The following ITGA11 variants were observed in gnomAD, a reference collection of about 807,000 sequenced individuals.
ITGA11 encodes the protein integrin subunit alpha 11.
Under a neutral mutation model 141.9 loss-of-function variants are expected in ITGA11, and 97 were observed. The observed-to-expected ratio is 0.68, with a 90% confidence interval of 0.58 to 0.81. The LOEUF is 0.81. ITGA11 is among the 30% of genes least tolerant of loss of function. The pLI is 0.00. For missense variants in ITGA11, 1,387 were observed against 1,559.2 expected, an observed-to-expected ratio of 0.89 and a Z score of 1.86; for synonymous variants, 658 against 624.6, an observed-to-expected ratio of 1.05 and a Z score of -0.80.
chr15:68,401,944 G>A (rs928256383), intron 2 of ITGA11, among the ~76,000 whole-genome samples: 2 of 152,044 alleles, frequency 1.3e-5, no homozygotes, highest in African/African-American at 4.8e-5. Context: ...AGTCAGGAGA[G>A]GGTGTCACAG....
rs1290417702 is a variant in ITGA11 at position 68,305,559 on chromosome 15, G to A, written c.3382-1674C>T. On this transcript the variant is annotated intron_variant, in intron 28 of 29. Transcript: ENST00000315757. The surrounding 1 kb of genome is among the most constrained non-coding windows in gnomAD (Gnocchi z 4.6). ...CACCTGCAACAGCAGACAGAGCCAT[G>A]TGGAGTGAATGGACCACCTGCAACA... Among the ~76,000 whole-genome samples the A allele has an allele frequency of 6.6e-6, 1 of 152,180 alleles. No homozygotes were observed. Among genetic ancestry groups the A allele is most frequent in the Non-Finnish European group, 1.5e-5 (1 of 68,028 alleles).
intron 3 of ITGA11, among the ~76,000 whole-genome samples, chr15:68,365,922 G>A (rs562755456): frequency 3.3e-5 from 5 of 152,178 alleles, no homozygotes; most frequent in Admixed American, 3.3e-4. Context: ...GTGAAGAGTC[G>A]GCCTGGCTCC....
chr15:68,375,507 G>A (rs919492684), intron 2 of ITGA11, among the ~76,000 whole-genome samples: 1 of 152,172 alleles, frequency 6.6e-6, no homozygotes, highest in African/African-American at 2.4e-5. Flanking sequence ...GCCCTGGCTG[G>A]GGGTTGGGTG....
chr15:68,412,641 T>C (rs1896800568), intron 1 of ITGA11, among the ~76,000 whole-genome samples: 1 of 151,142 alleles, frequency 6.6e-6, no homozygotes, highest in South Asian at 2.1e-4. Flanking sequence ...GTAGCAAATA[T>C]GTTATTAGGG....
rs1893952699 is a variant in ITGA11 at position 68,325,691 on chromosome 15, C to T, written c.2212-450G>A. On this transcript the variant is annotated intron_variant, in intron 17 of 29. Coordinates refer to ENST00000315757, the MANE Select transcript of ITGA11 (RefSeq NM_001004439.2). This position sits in a 1 kb window ranked among gnomAD's most constrained non-coding sequence, Gnocchi z 5.5. Reference sequence around the variant, plus strand: ...ATAGGCCTGGAGCCTCCCAGCATGGCCCTAGCACTGTGATAAGGGCTTCAG... The same window carrying T: ...ATAGGCCTGGAGCCTCCCAGCATGGTCCTAGCACTGTGATAAGGGCTTCAG... 1.3e-5 allele frequency among the ~76,000 whole-genome samples: 2 copies of T among 152,236 alleles called. No individual in the cohort carries two copies.
chr15:68,427,779 G>A (rs946816889), intron 1 of ITGA11, among the ~76,000 whole-genome samples: 4 of 152,088 alleles, frequency 2.6e-5, no homozygotes, highest in African/African-American at 4.8e-5. Context: ...GTGGAGGGTC[G>A]CCCTTGGACC....
chr15:68,387,601 C>G (rs75208889), intron 2 of ITGA11, among the ~76,000 whole-genome samples: 2 of 152,240 alleles, frequency 1.3e-5, no homozygotes, highest in South Asian at 2.1e-4. Context: ...GACAGTAAAG[C>G]CTTGCAGAGA....
intron 2 of ITGA11, among the ~76,000 whole-genome samples, chr15:68,398,397 G>C (rs1434723712): frequency 3.3e-5 from 5 of 151,146 alleles, no homozygotes; most frequent in Non-Finnish European, 7.4e-5. Context: ...GATCAAAAGA[G>C]ACAAAGAAGG....
intron 1 of ITGA11, among the ~76,000 whole-genome samples, chr15:68,421,640 C>T (rs1343142656): frequency 7.3e-6 from 1 of 136,946 alleles, no homozygotes; most frequent in Admixed American, 9.0e-5. Flanking sequence ...TTGGGCTGAG[C>T]AGAGTGGGGA....
intron 12 of ITGA11, 21 bp from the exon 13 acceptor site, chr15:68,332,499 G>A: frequency 5.6e-6 from 9 of 1,609,308 alleles, no homozygotes; most frequent in Non-Finnish European, 7.6e-6. Context: ...TGATGGGAGA[G>A]AGGAGTGGGC....
intron 1 of ITGA11, among the ~76,000 whole-genome samples, chr15:68,403,683 G>A (rs1401557702): frequency 6.6e-6 from 1 of 151,698 alleles, no homozygotes; most frequent in Non-Finnish European, 1.5e-5. Flanking sequence ...GGCCCAGGCT[G>A]GAGCACAGTG....
At chr15:68,399,268 G>A (rs919131049) in intron 2 of ITGA11, among the ~76,000 whole-genome samples, 1 of 152,036 alleles carries the variant, frequency 6.6e-6, no homozygotes, top group African/African-American at 2.4e-5. Flanking sequence ...AAGCCACAGT[G>A]AGCTATCATC....
At position 68,308,781 on chromosome 15, in the gene ITGA11, A is replaced by G. The variant is rs1893284056; in HGVS notation, c.3175-1085T>C. ...GAAAAGAAAGAAAAGAAAAGAAAAGAAAAGGGATTAGAGGACACTGAAGAT... is the reference window on the plus strand; with the variant it reads ...GAAAAGAAAGAAAAGAAAAGAAAAGGAAAGGGATTAGAGGACACTGAAGAT... On this transcript the variant is annotated intron_variant, in intron 26 of 29. Coordinates refer to ENST00000315757, the MANE Select transcript of ITGA11 (RefSeq NM_001004439.2). The surrounding 1 kb of genome is among the most constrained non-coding windows in gnomAD (Gnocchi z 5.2). Among the ~76,000 whole-genome samples the G allele has an allele frequency of 6.6e-6, 1 of 150,658 alleles. No individual in the cohort carries two copies.
Position 68,345,542 on chromosome 15 carries a change from A to C in ITGA11, c.1131+3288T>G, listed in dbSNP as rs556237508. ...TTGCTCATTAAGACGGCAGCAAACC[A>C]AGCAAGGAGGAGCCGGGCCTTTCTT... On this transcript the variant is annotated intron_variant, in intron 10 of 29. Coordinates refer to ENST00000315757, the MANE Select transcript of ITGA11 (RefSeq NM_001004439.2). Among the ~76,000 whole-genome samples the C allele has an allele frequency of 5.6e-4, 86 of 152,312 alleles. 1 individual carries two copies. The highest frequency in any genetic ancestry group is 2.0e-3 in the African/African-American group (83 of 41,584).
At position 68,304,202 on chromosome 15, in the gene ITGA11, C is replaced by T. The variant is rs984953670; in HGVS notation, c.3382-317G>A. Among the ~76,000 whole-genome samples, 31 of 152,212 alleles carry T rather than the reference C, an allele frequency of 2.0e-4. No homozygotes were observed. Among genetic ancestry groups the T allele is most frequent in the Admixed American group, 2.6e-4 (4 of 15,284 alleles). ...CTACTCCTTCTCCCTTTGCTGCCTC[C>T]GCATCGCCTCCCGCACTTCTAAAGG... is the stretch of plus-strand genomic sequence containing the variant. On this transcript the variant is annotated intron_variant, in intron 28 of 29. Coordinates refer to ENST00000315757, the MANE Select transcript of ITGA11 (RefSeq NM_001004439.2). The surrounding 1 kb of genome is among the most constrained non-coding windows in gnomAD (Gnocchi z 6.1).
intron 2 of ITGA11, among the ~76,000 whole-genome samples, chr15:68,399,064 G>T (rs1201148220): frequency 6.6e-6 from 1 of 151,830 alleles, no homozygotes; most frequent in Non-Finnish European, 1.5e-5. Flanking sequence ...GAGGAAAATT[G>T]ACAAGCTGAC....
rs1316974464 is a variant in ITGA11, at chr15:68,325,587, CTT to C, written c.2212-348_2212-347del. 3.9e-5 allele frequency among the ~76,000 whole-genome samples: 6 copies of C among 152,284 alleles called. No homozygotes were observed. The highest frequency in any genetic ancestry group is 1.4e-4 in the African/African-American group (6 of 41,586). ...TGTATCCCACCCCACCCACCACTCT[CTT>C]CAGACCAGTTACGCCTGCTGCTCAT... is the stretch of plus-strand genomic sequence containing the variant. On this transcript the variant is annotated intron_variant, in intron 17 of 29. Transcript: ENST00000315757. This position sits in a 1 kb window ranked among gnomAD's most constrained non-coding sequence, Gnocchi z 5.5.
intron 11 of ITGA11, among the ~76,000 whole-genome samples, chr15:68,338,844 G>A (rs978766345): frequency 4.6e-5 from 7 of 152,326 alleles, no homozygotes; most frequent in African/African-American, 1.7e-4. Context: ...AGAGACAGTG[G>A]GGACCCTGAA....
Position 68,308,934 on chromosome 15 carries a change from G to T in ITGA11, c.3175-1238C>A, listed in dbSNP as rs145840514. On this transcript the variant is annotated intron_variant, in intron 26 of 29. Coordinates refer to ENST00000315757, the MANE Select transcript of ITGA11 (RefSeq NM_001004439.2). The surrounding 1 kb of genome is among the most constrained non-coding windows in gnomAD (Gnocchi z 5.2). ...GCCAACACTATAGACAGCTCAGTTG[G>T]CTTAGTTTACATCATTCTGATTGAA... 6.6e-6 allele frequency among the ~76,000 whole-genome samples: 1 copy of T among 152,308 alleles called. No homozygotes were observed. The highest frequency in any genetic ancestry group is 6.5e-5 in the Admixed American group (1 of 15,304).
Sources: allele counts gnomAD v4.1 joint callset (sites outside exome capture counted in the v4.1 genomes callset), GRCh38; gene constraint gnomAD v4.1.1; non-coding constraint Gnocchi (gnomAD v3.1); transcripts MANE v1.5; gene names NCBI Gene and HGNC (gene_info 2026-07-23, HGNC 2026-07-21).